Variants in ZCCHC14 observed in about 807,000 individuals in gnomAD.
The protein encoded by ZCCHC14 is zinc finger CCHC domain-containing protein 14.
Under a neutral mutation model 85.0 loss-of-function variants are expected in ZCCHC14, and 16 were observed. The observed-to-expected ratio is 0.19, with a 90% CI of 0.13 to 0.29. ZCCHC14 has a LOEUF of 0.29. Among genes scored for constraint, ZCCHC14 ranks in the 10% least tolerant of loss-of-function variants. The pLI is 1.00. For synonymous variants in ZCCHC14, 775 were observed against 630.7 expected (o/e 1.23, Z -3.43); for missense variants, 1,303 against 1,443.5 (o/e 0.90, Z 1.58).
chr16:87,479,416 CAAAAAA>C (rs35830701), intron 1 of ZCCHC14, among the ~76,000 whole-genome samples: 1 of 119,342 alleles, frequency 8.4e-6, no homozygotes, highest in Admixed American at 8.2e-5. Context: ...GACTACGTCT[CAAAAAA>C]AAAAAAAAAG....
At chr16:87,457,528 A>G (rs1297531573) in intron 2 of ZCCHC14, among the ~76,000 whole-genome samples, 1 of 152,226 alleles carries the variant, frequency 6.6e-6, no homozygotes, top group East Asian at 1.9e-4. Context: ...AGTATCTGTC[A>G]TGTAAGTTAG....
At chr16:87,453,026 A>T (rs1910780046) in intron 2 of ZCCHC14, among the ~76,000 whole-genome samples, 1 of 152,250 alleles carries the variant, frequency 6.6e-6, no homozygotes, top group South Asian at 2.1e-4. Context: ...CTCCCTTGAC[A>T]GAGGAGTGGA....
intron 2 of ZCCHC14, among the ~76,000 whole-genome samples, chr16:87,457,109 G>A (rs901692014): frequency 1.3e-5 from 2 of 152,314 alleles, no homozygotes; most frequent in South Asian, 2.1e-4. Context: ...GGGGCAGGGG[G>A]CTCAGAAGCC....
intron 2 of ZCCHC14, among the ~76,000 whole-genome samples, chr16:87,436,929 C>T (rs1298699079): frequency 6.6e-6 from 1 of 152,176 alleles, no homozygotes; most frequent in African/African-American, 2.4e-5. Context: ...AAAGCGAATA[C>T]CTATCTGCAC....
chr16:87,426,816 A>C (rs1254305001), intron 3 of ZCCHC14, among the ~76,000 whole-genome samples: 1 of 152,224 alleles, frequency 6.6e-6, no homozygotes, highest in Non-Finnish European at 1.5e-5. Flanking sequence ...AAAACTAAAA[A>C]ATTTTCATCA....
rs56352252 is a variant in ZCCHC14, at chr16:87,444,038, GAAAAAAAAAA to G, written c.695-10847_695-10838del. ...GGTGACAGAGTGAGACTCTATCACA[GAAAAAAAAAA>G]AAAAAAAAAAAGAAAGAAAGAAAAG... On this transcript the variant is annotated intron_variant, in intron 2 of 12. Transcript: ENST00000671377. 8.6e-4 allele frequency among the ~76,000 whole-genome samples: 66 copies of G among 77,100 alleles called. No individual in the cohort carries two copies. The South Asian group carries it at 0.033, about 38-fold the overall frequency. The allele number at this position is 77,100 out of a possible 152,430, so 50.6% of individuals were successfully genotyped here. A position where few individuals can be genotyped will look rare whatever the true frequency, so the allele number is the denominator to read the frequency against.
At chr16:87,448,397 G>A (rs59520624) in intron 2 of ZCCHC14, among the ~76,000 whole-genome samples, 1,999 of 152,186 alleles carry the variant, frequency 0.013, 44 homozygotes, top group African/African-American at 0.045. Context: ...ACAACAATGC[G>A]TCTCGACATG....
chr16:87,490,807 A>C (rs1912720601), intron 1 of ZCCHC14, among the ~76,000 whole-genome samples: 1 of 152,210 alleles, frequency 6.6e-6, no homozygotes. Context: ...ACATTCATAC[A>C]CACGTGTGCA....
intron 4 of ZCCHC14, among the ~76,000 whole-genome samples, chr16:87,422,878 A>G (rs983747531): frequency 6.6e-6 from 1 of 151,378 alleles, no homozygotes; most frequent in Non-Finnish European, 1.5e-5. Context: ...TAGTATTTTA[A>G]ACACTACAGA....
chr16:87,423,865 G>T lies in ZCCHC14; in HGVS notation c.785C>A (p.Ser262Tyr). 6.2e-7 allele frequency: 1 copy of T among 1,614,066 alleles called. No homozygotes were observed. ...AGATTTGGTTACTGATGTTATTGAA[G>T]AATCAGACCACAAGACCTTAAAAAC... ...ECSFEVLWSD[S>Y]SITSVTKSSS... Residue 262 changes from serine to tyrosine, a missense_variant, in exon 4 of 13, where the codon TCT becomes TAT. This residue lies in a region of ZCCHC14 where 389 missense variants were observed against 397.8 expected (regional missense o/e 0.98). Transcript: ENST00000671377.
rs115757966 is a variant in ZCCHC14 at position 87,461,458 on chromosome 16, C to A, written c.571-1327G>T. Among the ~76,000 whole-genome samples, 443 of 152,288 alleles carry A rather than the reference C, an allele frequency of 2.9e-3. 2 individuals carry two copies. Among genetic ancestry groups the A allele is most frequent in the African/African-American group, 0.01 (427 of 41,568 alleles). On this transcript the variant is annotated intron_variant, in intron 1 of 12. Coordinates refer to ENST00000671377, the MANE Select transcript of ZCCHC14 (RefSeq NM_015144.3). The stretch of plus-strand genomic sequence containing the variant: ...AGAGGCGTAAGATTTTAAAGTTCAT[C>A]AAAAGAGCTGATAAGCAATGCTGCA...
chr16:87,461,723 G>C (rs1911268177), intron 1 of ZCCHC14, among the ~76,000 whole-genome samples: 1 of 152,206 alleles, frequency 6.6e-6, no homozygotes, highest in South Asian at 2.1e-4. Context: ...GGAGGAAAGG[G>C]TGGAGACTGC....
intron 2 of ZCCHC14, among the ~76,000 whole-genome samples, chr16:87,459,724 G>A (rs919759981): frequency 6.6e-6 from 1 of 152,006 alleles, no homozygotes; most frequent in African/African-American, 2.4e-5. Flanking sequence ...GGTCAGGCTG[G>A]TCTCAAACTC....
intron 1 of ZCCHC14, among the ~76,000 whole-genome samples, chr16:87,462,471 T>G (rs1486437693): frequency 6.6e-6 from 1 of 152,140 alleles, no homozygotes; most frequent in Non-Finnish European, 1.5e-5. Context: ...CCGGGTGCAG[T>G]GGCTCACGCC....
At position 87,420,519 on chromosome 16, in the gene ZCCHC14, GA is replaced by G; in HGVS notation, c.950+87del. 1 of 1,088,314 alleles carries G rather than the reference GA, an allele frequency of 9.2e-7. No homozygotes were observed. 67.4% of individuals were successfully genotyped at this position (1,088,314 alleles called of 1,614,324 possible). A position where few individuals can be genotyped will look rare whatever the true frequency, so the allele number is the denominator to read the frequency against. On this transcript the variant is annotated intron_variant, in intron 5 of 12. Coordinates refer to ENST00000671377, the MANE Select transcript of ZCCHC14 (RefSeq NM_015144.3). The surrounding 1 kb of genome is among the most constrained non-coding windows in gnomAD (Gnocchi z 5.0). Reference sequence around the variant, plus strand: ...GTCCAGGTGACCGCGCATCCTCCCAGAGCTCCTTGGAGGACCACAGCATTGA... The same window carrying G: ...GTCCAGGTGACCGCGCATCCTCCCAGGCTCCTTGGAGGACCACAGCATTGA...
intron 3 of ZCCHC14, among the ~76,000 whole-genome samples, chr16:87,429,041 T>C (rs1386177495): frequency 1.3e-5 from 2 of 152,212 alleles, no homozygotes; most frequent in African/African-American, 2.4e-5. Context: ...TTTATGAACA[T>C]GTGCTTAATT....
chr16:87,482,790 T>C (rs1380618074), intron 1 of ZCCHC14, among the ~76,000 whole-genome samples: 14 of 152,000 alleles, frequency 9.2e-5, no homozygotes. Context: ...ATCTGGAAAA[T>C]ATAAAACTAA....
chr16:87,491,885 G>A lies in ZCCHC14; in HGVS notation c.354C>T (p.Asn118=), dbSNP rs1221474617. The A allele has an allele frequency of 1.7e-5, 27 of 1,544,086 alleles. No homozygotes were observed. The highest frequency in any genetic ancestry group is 2.3e-5 in the Non-Finnish European group (26 of 1,153,190). Residue 118 remains asparagine (N), a synonymous_variant, in exon 1 of 13, where the codon AAC becomes AAT. Coordinates refer to ENST00000671377, the MANE Select transcript of ZCCHC14 (RefSeq NM_015144.3). The surrounding 1 kb of genome is among the most constrained non-coding windows in gnomAD (Gnocchi z 5.9). ...TLTHIDSIIH[N]YGLQLNEGRT... The stretch of plus-strand genomic sequence containing the variant: ...GGCCCTCGTTAAGCTGCAGCCCGTA[G>A]TTGTGGATGATGGAGTCGATGTGCG...
chr16:87,451,939 C>A (rs1041003085), intron 2 of ZCCHC14, among the ~76,000 whole-genome samples: 1 of 152,252 alleles, frequency 6.6e-6, no homozygotes, highest in Non-Finnish European at 1.5e-5. Flanking sequence ...CCCCTCAAAG[C>A]CGCATGTCCT....
Sources: allele counts gnomAD v4.1 joint callset (sites outside exome capture counted in the v4.1 genomes callset), GRCh38; gene constraint gnomAD v4.1.1; regional missense constraint gnomAD v4.1.1; non-coding constraint Gnocchi (gnomAD v3.1); transcripts MANE v1.5; gene names NCBI Gene and HGNC (gene_info 2026-07-23, HGNC 2026-07-21).